PKHD1: variants seen among roughly 807,000 people sequenced by gnomAD.
PKHD1 encodes the protein fibrocystin.
PKHD1 carries 291 observed loss-of-function variants against 412.0 expected under a neutral mutation model. That is an observed-to-expected ratio of 0.71 (90% CI 0.64 to 0.78). PKHD1 has a LOEUF of 0.78. PKHD1 is among the 30% of genes least tolerant of loss of function. The pLI is 0.00. For synonymous variants in PKHD1, 1,777 were observed against 1,821.5 expected, an observed-to-expected ratio of 0.98 and a Z score of 0.62; for missense variants, 4,825 against 4,950.7, an observed-to-expected ratio of 0.97 and a Z score of 0.76.
chr6:51,728,032 T>C (rs1414378605), intron 60 of PKHD1, among the ~76,000 whole-genome samples: 1 of 152,178 alleles, frequency 6.6e-6, no homozygotes, highest in Non-Finnish European at 1.5e-5. Context: ...TCCTTCTCCA[T>C]ACAATACTCC....
At position 51,621,000 on chromosome 6, in the gene PKHD1, C is replaced by T. The variant is rs1226761263; in HGVS notation, c.11786-1480G>A. 3.9e-5 allele frequency among the ~76,000 whole-genome samples: 6 copies of T among 152,182 alleles called. No individual in the cohort carries two copies. The East Asian group carries it at 1.2e-3, about 29-fold the overall frequency. ...TATGGGATGATTCTCTTGCTTAGAGCTATAAGAACTTTCAGGTTACCCTAG... is the reference window on the plus strand; with the variant it reads ...TATGGGATGATTCTCTTGCTTAGAGTTATAAGAACTTTCAGGTTACCCTAG... On this transcript the variant is annotated intron_variant, in intron 66 of 66. Transcript: ENST00000371117.
At chr6:52,016,479 T>C (rs1263078166) in intron 34 of PKHD1, among the ~76,000 whole-genome samples, 2 of 151,278 alleles carry the variant, frequency 1.3e-5, no homozygotes, top group Non-Finnish European at 2.9e-5. Context: ...TTACTAAAAA[T>C]ACAAAAATTA....
chr6:51,653,418 A>C (rs1254409699), intron 61 of PKHD1, among the ~76,000 whole-genome samples: 1 of 152,078 alleles, frequency 6.6e-6, no homozygotes, highest in Non-Finnish European at 1.5e-5. Flanking sequence ...CACCCAGTAC[A>C]TGTTGTTATA....
In PKHD1 at chr6:52,058,580, C is replaced by A. The variant is rs138672830; in HGVS notation, c.1255G>T (p.Val419Phe). The change falls in exon 16 of 67, where the codon GTC (valine) becomes TTC (phenylalanine). Residue 419 changes from valine to phenylalanine, a missense_variant. By Grantham distance (50) the Val-to-Phe change is conservative. Transcript: ENST00000371117. ...RTKVKVASISVGTADWFDSWE... is the reference protein window; with the variant it reads ...RTKVKVASISFGTADWFDSWE... ...GAGTCAAACCAGTCAGCAGTGCCGA[C>A]GCTGATGGAGGCCACTTTCACCTAT... 5.6e-6 allele frequency: 9 copies of A among 1,614,116 alleles called. No individual in the cohort carries two copies. The African/African-American group carries it at 9.3e-5, about 17-fold the overall frequency.
intron 66 of PKHD1, among the ~76,000 whole-genome samples, chr6:51,620,047 A>G (rs1292946874): frequency 1.3e-5 from 2 of 152,206 alleles, no homozygotes; most frequent in East Asian, 3.9e-4. Context: ...TGGTTGCATA[A>G]CAGTAGAAAG....
intron 50 of PKHD1, among the ~76,000 whole-genome samples, chr6:51,837,864 T>A (rs1008368113): frequency 2.6e-5 from 4 of 152,206 alleles, no homozygotes; most frequent in Non-Finnish European, 5.9e-5. Flanking sequence ...ATGTAAAGCA[T>A]GAGTTTGTGT....
At position 51,909,492 on chromosome 6, in the gene PKHD1, G is replaced by A. The variant is rs747661674; in HGVS notation, c.6491-18C>T. The A allele has an allele frequency of 3.1e-6, 5 of 1,602,488 alleles. No homozygotes were observed. Among genetic ancestry groups the A allele is most frequent in the South Asian group, 2.2e-5 (2 of 90,886 alleles). On this transcript the variant is annotated intron_variant, in intron 39 of 66. Transcript: ENST00000371117. ...CAGATTACCTGAAATGCAAAATAAAGTCCAGAGAACCTAAAGCATGTAGAA... is the reference window on the plus strand; with the variant it reads ...CAGATTACCTGAAATGCAAAATAAAATCCAGAGAACCTAAAGCATGTAGAA...
chr6:51,704,574 G>C (rs1193419747), intron 60 of PKHD1, among the ~76,000 whole-genome samples: 2 of 152,038 alleles, frequency 1.3e-5, no homozygotes, highest in African/African-American at 4.8e-5. Flanking sequence ...AGAAAGGATG[G>C]ATTTAGCAGC....
At chr6:51,829,375 CAAAGGATACTA>C (rs1238077604) in intron 52 of PKHD1, among the ~76,000 whole-genome samples, 1 of 152,112 alleles carries the variant, frequency 6.6e-6, no homozygotes, top group Admixed American at 6.6e-5. Context: ...ATAAAAACCC[CAAAGGATACTA>C]AAAGCTTGGC....
intron 52 of PKHD1, among the ~76,000 whole-genome samples, chr6:51,818,390 TA>T (rs1165906131): frequency 6.6e-6 from 1 of 152,170 alleles, no homozygotes; most frequent in Non-Finnish European, 1.5e-5. Flanking sequence ...CACAGCTTTT[TA>T]AAGGCTCTGT....
intron 51 of PKHD1, among the ~76,000 whole-genome samples, chr6:51,831,824 C>T (rs1768303443): frequency 2.6e-5 from 4 of 152,156 alleles, no homozygotes; most frequent in Admixed American, 1.3e-4. Flanking sequence ...GCTAGTATCT[C>T]ATCGCATAAT....
chr6:51,890,417 G>A (rs1056440426), intron 43 of PKHD1, among the ~76,000 whole-genome samples: 1 of 152,022 alleles, frequency 6.6e-6, no homozygotes, highest in Non-Finnish European at 1.5e-5. Context: ...CCCAGTAGTG[G>A]AGACAACATA....
chr6:51,993,206 G>A (rs190965344), intron 35 of PKHD1, among the ~76,000 whole-genome samples: 1 of 152,262 alleles, frequency 6.6e-6, no homozygotes, highest in Non-Finnish European at 1.5e-5. Context: ...TGGGGAGAAT[G>A]TTGGAAATTG....
chr6:51,701,929 T>A (rs1257063648), intron 60 of PKHD1, among the ~76,000 whole-genome samples: 1 of 151,466 alleles, frequency 6.6e-6, no homozygotes, highest in Non-Finnish European at 1.5e-5. Flanking sequence ...TTTTTATTGA[T>A]AAAATTCAAA....
intron 60 of PKHD1, among the ~76,000 whole-genome samples, chr6:51,710,510 T>C (rs972911223): frequency 3.3e-5 from 5 of 152,146 alleles, no homozygotes; most frequent in African/African-American, 1.2e-4. Flanking sequence ...ATTGTACTTA[T>C]TTATACATGA....
In PKHD1 at chr6:52,062,638, T is replaced by C. The variant is rs1296198049; in HGVS notation, c.999A>G (p.Glu333=). The change falls in exon 14 of 67, where the codon GAA becomes GAG. Residue 333 remains glutamate (E), a synonymous_variant. Transcript: ENST00000371117. ...PQPGNRGLLF[E]VGDAVEGLEL... ...CCAGTCCCTCAACAGCATCTCCAACTTCAAAAAGAAGCCCTCGATTGCCTG... is the reference window on the plus strand; with the variant it reads ...CCAGTCCCTCAACAGCATCTCCAACCTCAAAAAGAAGCCCTCGATTGCCTG... 2 of 1,614,114 alleles carry C rather than the reference T, an allele frequency of 1.2e-6. No individual in the cohort carries two copies. Among genetic ancestry groups the C allele is most frequent in the Non-Finnish European group, 1.7e-6 (2 of 1,179,974 alleles).
At chr6:51,888,947 T>G (rs1278594545) in intron 43 of PKHD1, among the ~76,000 whole-genome samples, 2 of 151,800 alleles carry the variant, frequency 1.3e-5, no homozygotes, top group Non-Finnish European at 2.9e-5. Flanking sequence ...GCTATGAGAC[T>G]ACTTCCTATG....
chr6:51,836,527 C>T (rs1333165516), intron 50 of PKHD1, 58 bp from the exon 51 acceptor site: 11 of 1,203,216 alleles, frequency 9.1e-6, no homozygotes, highest in South Asian at 2.4e-5. Context: ...ATATTAAAGA[C>T]AGTCACACGT....
intron 35 of PKHD1, among the ~76,000 whole-genome samples, chr6:51,973,454 T>A (rs1035087843): frequency 2.0e-5 from 3 of 152,220 alleles, no homozygotes; most frequent in Non-Finnish European, 4.4e-5. Context: ...ATTTCCTTTT[T>A]ACGTGTCCTC....
Sources: gnomAD v4.1 joint callset for allele counts (sites outside exome capture counted in the v4.1 genomes callset) on GRCh38, gnomAD v4.1.1 for gene constraint, MANE v1.5 for transcripts, NCBI Gene and HGNC (gene_info 2026-07-23, HGNC 2026-07-21) for gene names.